PCDH11X: variants seen among roughly 807,000 people sequenced by gnomAD.
PCDH11X encodes the protein protocadherin 11 X-linked, also known as protocadherin-11 X-linked.
PCDH11X carries 18 observed loss-of-function variants against 53.3 expected under a neutral mutation model. That is an observed-to-expected ratio of 0.34 (90% CI 0.23 to 0.50). PCDH11X has a LOEUF of 0.50. Among genes scored for constraint, PCDH11X ranks in the 20% least tolerant of loss-of-function variants. PCDH11X has a pLI of 0.98. For synonymous variants in PCDH11X, 279 were observed against 393.3 expected, an observed-to-expected ratio of 0.71 and a Z score of 3.44; for missense variants, 570 against 1,032.4, an observed-to-expected ratio of 0.55 and a Z score of 6.14.
At chrX:91,839,029 G>T (rs1279941860) in intron 5 of PCDH11X, among the ~76,000 whole-genome samples, 2 of 112,502 alleles carry the variant, frequency 1.8e-5, no homozygotes, top group Middle Eastern at 4.3e-3. Flanking sequence ...TTAAAACTTA[G>T]AATATTTATT....
intron 9 of PCDH11X, among the ~76,000 whole-genome samples, chrX:92,458,608 T>C (rs2072964677): frequency 8.9e-6 from 1 of 111,738 alleles, no homozygotes; most frequent in South Asian, 3.7e-4. Flanking sequence ...TTAGCTGCCA[T>C]ATATGATTGA....
At chrX:92,248,641 A>C (rs2067397625) in intron 7 of PCDH11X, among the ~76,000 whole-genome samples, 1 of 111,518 alleles carries the variant, frequency 9.0e-6, no homozygotes, top group Admixed American at 9.6e-5. Context: ...AACTATAGTT[A>C]CTCTACTGTG....
At chrX:92,567,415 T>G (rs1210176760) in intron 10 of PCDH11X, among the ~76,000 whole-genome samples, 3 of 92,687 alleles carry the variant, frequency 3.2e-5, no homozygotes, top group Non-Finnish European at 6.5e-5. Flanking sequence ...TCATTCATGA[T>G]TTGGCTCTTT....
chrX:91,978,421 A>G (rs190285687), intron 6 of PCDH11X, among the ~76,000 whole-genome samples: 1 of 104,806 alleles, frequency 9.5e-6, no homozygotes, highest in African/African-American at 3.5e-5. Context: ...ACATCTCTTC[A>G]TTGTAACATT....
intron 6 of PCDH11X, among the ~76,000 whole-genome samples, chrX:91,925,064 A>G (rs1356693659): frequency 9.1e-6 from 1 of 109,886 alleles, no homozygotes; most frequent in Non-Finnish European, 1.9e-5. Flanking sequence ...AAACATTATA[A>G]ACATAAATAC....
chrX:91,940,339 A>T (rs1489954344), intron 6 of PCDH11X, among the ~76,000 whole-genome samples: 1 of 111,471 alleles, frequency 9.0e-6, no homozygotes, highest in African/African-American at 3.3e-5. Context: ...TAACGCAAGA[A>T]CAGCCTTAAC....
At chrX:92,371,442 A>T (rs2070621302) in intron 8 of PCDH11X, among the ~76,000 whole-genome samples, 1 of 98,873 alleles carries the variant, frequency 1.0e-5, no homozygotes. Context: ...TACCTTTTAA[A>T]TTTGTTTCCA....
intron 6 of PCDH11X, among the ~76,000 whole-genome samples, chrX:92,192,237 G>A (rs1379225287): frequency 8.9e-6 from 1 of 112,327 alleles, no homozygotes; most frequent in African/African-American, 3.2e-5. Context: ...TGTAATAGCC[G>A]CTAACTCTCT....
At chrX:92,545,587 G>A (rs2074839759) in intron 10 of PCDH11X, among the ~76,000 whole-genome samples, 1 of 108,986 alleles carries the variant, frequency 9.2e-6, no homozygotes, top group Non-Finnish European at 1.9e-5. Context: ...TTTCTGTAGG[G>A]ACAGGGTTTC....
intron 6 of PCDH11X, among the ~76,000 whole-genome samples, chrX:92,183,361 AT>A (rs2066031235): frequency 9.9e-6 from 1 of 100,525 alleles, no homozygotes; most frequent in Admixed American, 1.2e-4. Context: ...GGTTCAAGTG[AT>A]TCTCCTGCCT....
At chrX:91,899,113 A>C (rs1362763842) in intron 6 of PCDH11X, among the ~76,000 whole-genome samples, 1 of 111,434 alleles carries the variant, frequency 9.0e-6, no homozygotes, top group Non-Finnish European at 1.9e-5. Context: ...ACACTATCAC[A>C]AGATGAAGTC....
At chrX:91,945,237 T>C (rs1226688783) in intron 6 of PCDH11X, among the ~76,000 whole-genome samples, 1 of 103,174 alleles carries the variant, frequency 9.7e-6, no homozygotes, top group Non-Finnish European at 2.0e-5. Context: ...ATTTCAATTT[T>C]ATAATCATTC....
intron 7 of PCDH11X, among the ~76,000 whole-genome samples, chrX:92,261,496 T>A (rs1569446058): frequency 8.9e-6 from 1 of 111,944 alleles, no homozygotes; most frequent in Non-Finnish European, 1.9e-5. Flanking sequence ...TGAAATAATT[T>A]ACCAAGATAG....
rs767410287 is a variant in PCDH11X at position 91,858,498 on chromosome X, A to AT, written c.541-18282dup. ...CAGACTGCAATTTTTCCAAACTTTC[A>AT]TGCTCTGCCTTCCTTTTAAACATAA... On this transcript the variant is annotated intron_variant, in intron 5 of 10. Coordinates refer to ENST00000682573, the MANE Select transcript of PCDH11X (RefSeq NM_032968.5). 1.2e-3 allele frequency among the ~76,000 whole-genome samples: 131 copies of AT among 111,734 alleles called. 3 individuals carry two copies. In the South Asian group the frequency reaches 0.049, roughly 42 times the overall value.
chrX:92,314,088 C>G (rs1156682975), intron 8 of PCDH11X, among the ~76,000 whole-genome samples: 1 of 112,011 alleles, frequency 8.9e-6, no homozygotes, highest in Non-Finnish European at 1.9e-5. Flanking sequence ...TTACTTTATA[C>G]ATTTTGTAAT....
chrX:91,846,346 G>A (rs191837703), intron 5 of PCDH11X, among the ~76,000 whole-genome samples: 1,828 of 111,218 alleles, frequency 0.016, 23 homozygotes, highest in Non-Finnish European at 0.028. Flanking sequence ...GGCCGGGCGC[G>A]GTGGCTCATG....
chrX:92,406,098 CAA>C (rs61310716), intron 9 of PCDH11X, among the ~76,000 whole-genome samples: 12,498 of 55,823 alleles, frequency 0.22, 716 homozygotes, highest in Middle Eastern at 0.33. Context: ...GACTCTGTCT[CAA>C]AAAAAAAAAA....
chrX:91,897,395 T>C (rs2147778334), intron 6 of PCDH11X, among the ~76,000 whole-genome samples: 1 of 107,128 alleles, frequency 9.3e-6, no homozygotes, highest in South Asian at 4.2e-4. Context: ...GTAAAGTAAT[T>C]TTGACATCAA....
intron 8 of PCDH11X, among the ~76,000 whole-genome samples, chrX:92,327,012 G>A (rs1048308919): frequency 1.0e-4 from 11 of 108,836 alleles, no homozygotes; most frequent in African/African-American, 2.0e-4. Context: ...ATGTATATCC[G>A]ATATATTGTC....
Sources: allele counts gnomAD v4.1 joint callset (sites outside exome capture counted in the v4.1 genomes callset), GRCh38; gene constraint gnomAD v4.1.1; transcripts MANE v1.5; gene names NCBI Gene and HGNC (gene_info 2026-07-23, HGNC 2026-07-21).